APC: variants seen among roughly 807,000 people sequenced by gnomAD.
APC encodes the protein adenomatous polyposis coli protein.
APC carries 72 observed loss-of-function variants against 247.0 expected under a neutral mutation model. The ratio of observed to expected loss-of-function variants is 0.29; its 90% CI spans 0.24 to 0.35. The LOEUF (loss-of-function observed/expected upper bound fraction) is 0.35, where lower values mean the gene tolerates loss of function less well. Ranked by LOEUF, APC falls within the 10% of genes least tolerant of loss-of-function variation. APC has a pLI of 1.00. For missense variants in APC, 3,400 were observed against 3,360.7 expected (o/e 1.01, Z -0.29); for synonymous variants, 1,254 against 1,162.5 (o/e 1.08, Z -1.60).
At chr5:112,810,057 C>A (rs991037681) in intron 8 of APC, 29 of 445,274 alleles carry the variant, frequency 6.5e-5, no homozygotes, top group African/African-American at 4.7e-4. Flanking sequence ...TGTGAACTGC[C>A]CAAGAGAGAA....
At chr5:112,828,129 G>T in intron 13 of APC, 123 bp downstream of exon 13, 1 of 805,788 alleles carries the variant, frequency 1.2e-6, no homozygotes, top group Non-Finnish European at 2.1e-6. Flanking sequence ...TCTGCCTCCA[G>T]GGTTCAAGCA....
chr5:112,832,525 C>A (rs1029692355), intron 14 of APC, among the ~76,000 whole-genome samples: 5 of 152,200 alleles, frequency 3.3e-5, no homozygotes, highest in Admixed American at 1.3e-4. Context: ...GGGTTAGACC[C>A]AAAATGTTTG....
chr5:112,810,726 T>G (rs894282731), intron 8 of APC, among the ~76,000 whole-genome samples: 9 of 152,164 alleles, frequency 5.9e-5, no homozygotes, highest in African/African-American at 2.2e-4. Flanking sequence ...AGCAAGAGAA[T>G]TATGAAAGTG....
rs191228890 is a variant in APC, at chr5:112,756,738, C to G, written c.135+1713C>G. 3.4e-3 allele frequency among the ~76,000 whole-genome samples: 517 copies of G among 152,238 alleles called. 2 individuals are homozygous for G. Among genetic ancestry groups the G allele is most frequent in the Admixed American group, 7.8e-3 (120 of 15,292 alleles). On this transcript the variant is annotated intron_variant, in intron 2 of 15. Transcript: ENST00000257430. ...ATCTCCACACTGAAGTGGAATGTCT[C>G]TCAGAGTGACAATAGAAGTCACACC...
rs2149906520 is a variant in APC at position 112,839,696 on chromosome 5, A to G, written c.4102A>G (p.Thr1368Ala). ...AKSPSKSGAQ[T>A]PKSPPEHYVQ... is the part of the protein sequence containing the mutation. Reference sequence around the variant, plus strand: ...ATCTCCCTCCAAAAGTGGTGCTCAGACACCCAAAAGTCCACCTGAACACTA... The same window carrying G: ...ATCTCCCTCCAAAAGTGGTGCTCAGGCACCCAAAAGTCCACCTGAACACTA... Residue 1368 changes from threonine (T) to alanine (A), a missense_variant, in exon 16 of 16, where the codon ACA becomes GCA. Thr to Ala is a moderately conservative substitution (Grantham distance 58, BLOSUM62 0). Transcript: ENST00000257430. This position sits in a 1 kb window ranked among gnomAD's most constrained non-coding sequence, Gnocchi z 5.0. The G allele has an allele frequency of 6.2e-7, 1 of 1,614,142 alleles. No homozygotes were observed. The highest frequency in any genetic ancestry group is 8.5e-7 in the Non-Finnish European group (1 of 1,180,008).
chr5:112,819,548 A>G (rs970988585), intron 10 of APC, among the ~76,000 whole-genome samples: 11 of 152,216 alleles, frequency 7.2e-5, no homozygotes, highest in Admixed American at 5.2e-4. Flanking sequence ...GTGCACTACT[A>G]TAAGAACAGT....
intron 1 of APC, among the ~76,000 whole-genome samples, chr5:112,747,928 A>G (rs1015893206): frequency 6.6e-6 from 1 of 152,234 alleles, no homozygotes; most frequent in Non-Finnish European, 1.5e-5. Flanking sequence ...ATTATGCTTT[A>G]GACCACCTGT....
chr5:112,801,438 T>C, intron 8 of APC, 55 bp downstream of exon 8: 1 of 1,256,696 alleles, frequency 8.0e-7, no homozygotes, highest in Non-Finnish European at 1.1e-6. Flanking sequence ...CAGAAAAGTA[T>C]GAAGCAAGAT....
At chr5:112,750,455 C>CT (rs1013222764) in intron 1 of APC, among the ~76,000 whole-genome samples, 164 of 144,194 alleles carry the variant, frequency 1.1e-3, no homozygotes, top group South Asian at 2.0e-3. Context: ...GATGAGCATT[C>CT]TTTTTTTTTT....
intron 1 of APC, among the ~76,000 whole-genome samples, chr5:112,748,872 C>T (rs533601054): frequency 1.3e-5 from 2 of 152,250 alleles, no homozygotes; most frequent in Admixed American, 6.5e-5. Context: ...TGGCTTGTGT[C>T]TGTAGTCCCA....
intron 2 of APC, among the ~76,000 whole-genome samples, chr5:112,765,693 A>C (rs1756215916): frequency 6.6e-6 from 1 of 152,230 alleles, no homozygotes; most frequent in Non-Finnish European, 1.5e-5. Context: ...TCACAAATGT[A>C]ATGGCAGAAA....
chr5:112,708,690 C>G (rs139982263), intron 1 of APC, among the ~76,000 whole-genome samples: 76 of 152,336 alleles, frequency 5.0e-4, no homozygotes, highest in African/African-American at 1.8e-3. Context: ...CCATGTTGTA[C>G]AAGCCCTTTG....
chr5:112,791,770 A>G (rs1759628862), intron 6 of APC, among the ~76,000 whole-genome samples: 1 of 152,242 alleles, frequency 6.6e-6, no homozygotes, highest in South Asian at 2.1e-4. Flanking sequence ...AATATAAAAG[A>G]TTAAATGCAG....
intron 15 of APC, among the ~76,000 whole-genome samples, chr5:112,835,817 C>A (rs2149847472): frequency 6.6e-6 from 1 of 152,012 alleles, no homozygotes; most frequent in East Asian, 1.9e-4. Flanking sequence ...CAGTGACCCA[C>A]CTGTCTCAGC....
At chr5:112,783,782 AAAGAG>A (rs1758635777) in intron 6 of APC, 1 of 391,904 alleles carries the variant, frequency 2.6e-6, no homozygotes, top group Admixed American at 3.6e-5. Context: ...AAAAAAAAAA[AAAGAG>A]AAAGAAAGGA....
chr5:112,748,891 A>G (rs1295069229), intron 1 of APC, among the ~76,000 whole-genome samples: 1 of 152,160 alleles, frequency 6.6e-6, no homozygotes, highest in Non-Finnish European at 1.5e-5. Context: ...CAGTTACTCT[A>G]GAGGCTGAAG....
chr5:112,770,931 G>A (rs1459902935), intron 4 of APC, among the ~76,000 whole-genome samples: 2 of 151,944 alleles, frequency 1.3e-5, no homozygotes, highest in East Asian at 1.9e-4. Flanking sequence ...CTGAAGCCCC[G>A]CTGTATAAGA....
At chr5:112,796,227 A>G (rs959920977) in intron 7 of APC, among the ~76,000 whole-genome samples, 1 of 152,218 alleles carries the variant, frequency 6.6e-6, no homozygotes, top group Non-Finnish European at 1.5e-5. Context: ...AATTTGTGTA[A>G]CAATAAAGTG....
chr5:112,836,223 G>GCT (rs1764929883), intron 15 of APC, among the ~76,000 whole-genome samples: 1 of 142,844 alleles, frequency 7.0e-6, no homozygotes, highest in Admixed American at 7.8e-5. Flanking sequence ...TAGAGACGGG[G>GCT]CTTCACCATG....
Sources: allele counts gnomAD v4.1 joint callset (sites outside exome capture counted in the v4.1 genomes callset), GRCh38; gene constraint gnomAD v4.1.1; non-coding constraint Gnocchi (gnomAD v3.1); transcripts MANE v1.5; gene names NCBI Gene and HGNC (gene_info 2026-07-23, HGNC 2026-07-21).